The following GALNT18 variants were observed in gnomAD, a reference collection of about 807,000 sequenced individuals.
The protein encoded by GALNT18 is polypeptide N-acetylgalactosaminyltransferase 18, also known as GalNAc-transferase 18.
Under a neutral mutation model 69.5 loss-of-function variants are expected in GALNT18, and 44 were observed. The ratio of observed to expected loss-of-function variants is 0.63; its 90% CI spans 0.50 to 0.81. The LOEUF is 0.81. Ranked by LOEUF, GALNT18 falls within the 40% of genes least tolerant of loss-of-function variation. The pLI is 0.00. For synonymous variants in GALNT18, 364 were observed against 318.2 expected (o/e 1.14, Z -1.53); for missense variants, 715 against 810.0 (o/e 0.88, Z 1.42).
rs886747325 is a variant in GALNT18 at position 11,591,902 on chromosome 11, G to T, written c.235+29457C>A. 6.6e-6 allele frequency among the ~76,000 whole-genome samples: 1 copy of T among 152,194 alleles called. No individual in the cohort carries two copies. The highest frequency in any genetic ancestry group is 1.5e-5 in the Non-Finnish European group (1 of 68,038). On this transcript the variant is annotated intron_variant, in intron 1 of 10. Transcript: ENST00000227756. The surrounding 1 kb of genome is among the most constrained non-coding windows in gnomAD (Gnocchi z 4.8). ...GAGTTTGATGTAACACAGTCCTCAA[G>T]ATCAGACCACATAGAGTCAATTCCT...
intron 1 of GALNT18, among the ~76,000 whole-genome samples, chr11:11,493,144 C>T (rs1303025546): frequency 2.0e-5 from 3 of 151,692 alleles, no homozygotes; most frequent in African/African-American, 4.8e-5. Context: ...GCCTGTAGTC[C>T]CAGCTACTCG....
chr11:11,397,039 C>T (rs1166285167), intron 3 of GALNT18, among the ~76,000 whole-genome samples: 3 of 152,122 alleles, frequency 2.0e-5, no homozygotes, highest in African/African-American at 7.2e-5. Context: ...TGTGTGCAGA[C>T]ACACACATAT....
At chr11:11,468,011 T>C (rs1856187393) in intron 1 of GALNT18, among the ~76,000 whole-genome samples, 1 of 152,142 alleles carries the variant, frequency 6.6e-6, no homozygotes, top group African/African-American at 2.4e-5. Flanking sequence ...AATTAGCCCC[T>C]CCCTAATCAG....
At chr11:11,453,493 C>A (rs938041473) in intron 1 of GALNT18, among the ~76,000 whole-genome samples, 5 of 152,152 alleles carry the variant, frequency 3.3e-5, no homozygotes, top group African/African-American at 1.2e-4. Flanking sequence ...TCTCAGCAAA[C>A]CCTATCCTAA....
intron 1 of GALNT18, among the ~76,000 whole-genome samples, chr11:11,528,007 A>C (rs4910371): frequency 0.98 from 149,101 of 152,298 alleles, 73,034 homozygotes; most frequent in Non-Finnish European, 1. Context: ...CTTATTTAAT[A>C]CTCATAACAA....
chr11:11,403,253 G>A (rs1472814136), intron 3 of GALNT18, among the ~76,000 whole-genome samples: 1 of 152,142 alleles, frequency 6.6e-6, no homozygotes, highest in African/African-American at 2.4e-5. Flanking sequence ...TCACATTTCC[G>A]ATATGGGGTC....
chr11:11,471,337 C>T (rs999006106), intron 1 of GALNT18, among the ~76,000 whole-genome samples: 5 of 152,194 alleles, frequency 3.3e-5, no homozygotes, highest in Admixed American at 3.3e-4. Flanking sequence ...CTCGATAAGT[C>T]ATGCCCCACT....
intron 6 of GALNT18, among the ~76,000 whole-genome samples, chr11:11,342,957 T>C (rs1314115823): frequency 6.6e-6 from 1 of 152,258 alleles, no homozygotes; most frequent in East Asian, 1.9e-4. Context: ...GTGGTCATTC[T>C]TAGCTATTAC....
At chr11:11,293,775 C>T (rs770999357) in intron 9 of GALNT18, among the ~76,000 whole-genome samples, 2 of 152,204 alleles carry the variant, frequency 1.3e-5, no homozygotes, top group East Asian at 1.9e-4. Context: ...CTCCTGACCT[C>T]GTGATCTGCC....
intron 1 of GALNT18, among the ~76,000 whole-genome samples, chr11:11,485,052 A>G (rs1288277567): frequency 1.3e-5 from 2 of 152,232 alleles, no homozygotes; most frequent in Non-Finnish European, 2.9e-5. Flanking sequence ...CATCATGCCA[A>G]TCTGGAGGAG....
At chr11:11,423,234 G>A (rs1338070884) in intron 3 of GALNT18, among the ~76,000 whole-genome samples, 2 of 152,156 alleles carry the variant, frequency 1.3e-5, no homozygotes, top group Non-Finnish European at 1.5e-5. Context: ...ATGCATGCAA[G>A]GCATGCACAC....
chr11:11,437,642 C>T (rs113554780), intron 2 of GALNT18, among the ~76,000 whole-genome samples: 2 of 151,824 alleles, frequency 1.3e-5, no homozygotes, highest in East Asian at 1.9e-4. Context: ...AAACCTCATG[C>T]GCTATAGCCA....
intron 6 of GALNT18, among the ~76,000 whole-genome samples, chr11:11,353,861 C>T (rs1343440502): frequency 6.6e-6 from 1 of 152,128 alleles, no homozygotes; most frequent in Non-Finnish European, 1.5e-5. Context: ...ATGGATGTGT[C>T]ATTGAGATGG....
At chr11:11,460,942 C>G (rs1193528267) in intron 1 of GALNT18, among the ~76,000 whole-genome samples, 1 of 152,180 alleles carries the variant, frequency 6.6e-6, no homozygotes, top group Non-Finnish European at 1.5e-5. Context: ...CAGATTAAGA[C>G]AGCCAGGGAT....
At position 11,555,202 on chromosome 11, in the gene GALNT18, C is replaced by T. The variant is rs1858300721; in HGVS notation, c.235+66157G>A. 6.6e-6 allele frequency among the ~76,000 whole-genome samples: 1 copy of T among 152,166 alleles called. No individual in the cohort carries two copies. The highest frequency in any genetic ancestry group is 6.5e-5 in the Admixed American group (1 of 15,284). ...TGATGGGCTGCTCAGGGCGGGGGTG[C>T]CTATCCCCACCCCACCATTCATGCC... On this transcript the variant is annotated intron_variant, in intron 1 of 10. Coordinates refer to ENST00000227756, the MANE Select transcript of GALNT18 (RefSeq NM_198516.3). This position sits in a 1 kb window ranked among gnomAD's most constrained non-coding sequence, Gnocchi z 4.7.
chr11:11,343,823 A>G (rs772673316), intron 6 of GALNT18, among the ~76,000 whole-genome samples: 7 of 152,044 alleles, frequency 4.6e-5, no homozygotes, highest in Non-Finnish European at 1.0e-4. Context: ...TCACCATTTC[A>G]CCTTAGAGTG....
chr11:11,339,379 G>C lies in GALNT18; in HGVS notation c.1278+1440C>G, dbSNP rs1178827150. Among the ~76,000 whole-genome samples, 3 of 152,146 alleles carry C rather than the reference G, an allele frequency of 2.0e-5. No individual in the cohort carries two copies. Among genetic ancestry groups the C allele is most frequent in the African/African-American group, 7.2e-5 (3 of 41,430 alleles). Reference sequence around the variant, plus strand: ...CATTTCAACACCTGTCAGCTGCAAGGGGGAGAGGGCTAGAAGTTTTGCAGC... The same window carrying C: ...CATTTCAACACCTGTCAGCTGCAAGCGGGAGAGGGCTAGAAGTTTTGCAGC... On this transcript the variant is annotated intron_variant, in intron 7 of 10. Transcript: ENST00000227756. This position sits in a 1 kb window ranked among gnomAD's most constrained non-coding sequence, Gnocchi z 5.2.
At chr11:11,503,832 AT>A (rs1272251862) in intron 1 of GALNT18, among the ~76,000 whole-genome samples, 3 of 152,082 alleles carry the variant, frequency 2.0e-5, no homozygotes. Context: ...AATCCGATGA[AT>A]TTTCTCAAGT....
intron 9 of GALNT18, among the ~76,000 whole-genome samples, chr11:11,308,734 T>C (rs937202594): frequency 1.3e-5 from 2 of 152,184 alleles, no homozygotes; most frequent in Non-Finnish European, 2.9e-5. Flanking sequence ...ACCATTGCCC[T>C]CTGCCCATGT....
Sources: allele counts gnomAD v4.1 joint callset (sites outside exome capture counted in the v4.1 genomes callset), GRCh38; gene constraint gnomAD v4.1.1; non-coding constraint Gnocchi (gnomAD v3.1); transcripts MANE v1.5; gene names NCBI Gene and HGNC (gene_info 2026-07-23, HGNC 2026-07-21).